ATF2: variants seen among roughly 807,000 people sequenced by gnomAD.
The protein encoded by ATF2 is activating transcription factor 2.
ATF2 carries 24 observed loss-of-function variants against 60.6 expected under a neutral mutation model. The observed-to-expected ratio is 0.40, with a 90% CI of 0.29 to 0.56. The LOEUF (loss-of-function observed/expected upper bound fraction) is 0.56, where lower values mean the gene tolerates loss of function less well. Among genes scored for constraint, ATF2 ranks in the 20% least tolerant of loss-of-function variants. The probability of loss-of-function intolerance (pLI) is 0.54; values close to 1 mark genes in which losing one functional copy is unlikely to be tolerated. For synonymous variants in ATF2, 206 were observed against 215.4 expected (o/e 0.96, Z 0.38); for missense variants, 433 against 607.7 (o/e 0.71, Z 3.02).
chr2:175,160,158 G>C (rs1699927883), intron 1 of ATF2, among the ~76,000 whole-genome samples: 1 of 152,166 alleles, frequency 6.6e-6, no homozygotes, highest in Non-Finnish European at 1.5e-5. Flanking sequence ...GCTGAGATGG[G>C]AGGATTACTT....
intron 1 of ATF2, among the ~76,000 whole-genome samples, chr2:175,164,242 T>C (rs1316970415): frequency 1.3e-5 from 2 of 151,200 alleles, no homozygotes; most frequent in East Asian, 3.9e-4. Flanking sequence ...TAAAATAATG[T>C]GTAAAAATAG....
chr2:175,114,286 G>A (rs1696399191), intron 8 of ATF2, 178 bp from the exon 9 acceptor site: 5 of 1,347,632 alleles, frequency 3.7e-6, no homozygotes, highest in Non-Finnish European at 4.7e-6. Flanking sequence ...CATAACCTGT[G>A]TAGCAGTATT....
intron 10 of ATF2, among the ~76,000 whole-genome samples, chr2:175,102,932 A>G (rs774768092): frequency 4.6e-5 from 7 of 152,206 alleles, no homozygotes; most frequent in Non-Finnish European, 8.8e-5. Flanking sequence ...TCAGTGATGT[A>G]AAGTTCAACT....
At chr2:175,080,126 G>T (rs765692887) in intron 13 of ATF2, 1 of 152,000 alleles carries the variant, frequency 6.6e-6, no homozygotes, top group Non-Finnish European at 1.5e-5. Flanking sequence ...TACTGTTCCC[G>T]TTTTAACATT....
At chr2:175,137,626 G>A (rs1698230091) in intron 2 of ATF2, among the ~76,000 whole-genome samples, 1 of 152,158 alleles carries the variant, frequency 6.6e-6, no homozygotes, top group Non-Finnish European at 1.5e-5. Flanking sequence ...AGGAATAAGA[G>A]TTAAAATATT....
chr2:175,111,435 TTATC>T (rs1481064989), intron 10 of ATF2, 129 bp downstream of exon 10: 1 of 648,484 alleles, frequency 1.5e-6, no homozygotes, highest in African/African-American at 1.9e-5. Flanking sequence ...ATTTTGTGGT[TTATC>T]TATAGTATAA....
chr2:175,107,376 A>T (rs1392540741), intron 10 of ATF2, among the ~76,000 whole-genome samples: 1 of 152,214 alleles, frequency 6.6e-6, no homozygotes, highest in African/African-American at 2.4e-5. Context: ...TTATAAAGTT[A>T]AATGTATACC....
intron 13 of ATF2, among the ~76,000 whole-genome samples, chr2:175,079,088 C>T (rs1243636366): frequency 6.6e-6 from 1 of 152,078 alleles, no homozygotes; most frequent in Non-Finnish European, 1.5e-5. Context: ...TTTAAGTATA[C>T]AGTATATAAA....
intron 12 of ATF2, among the ~76,000 whole-genome samples, chr2:175,088,528 C>T (rs559697578): frequency 6.6e-6 from 1 of 152,134 alleles, no homozygotes; most frequent in Admixed American, 6.5e-5. Flanking sequence ...TTCCACTCCA[C>T]ACACATTTTG....
At chr2:175,108,532 C>T (rs1262261109) in intron 10 of ATF2, among the ~76,000 whole-genome samples, 1 of 150,568 alleles carries the variant, frequency 6.6e-6, no homozygotes, top group Non-Finnish European at 1.5e-5. Context: ...CCCGCCCGGC[C>T]AGCCGCCCCA....
chr2:175,110,056 G>T (rs1185088443), intron 10 of ATF2, among the ~76,000 whole-genome samples: 4 of 152,166 alleles, frequency 2.6e-5, no homozygotes, highest in African/African-American at 9.7e-5. Flanking sequence ...AATTTTTCAG[G>T]CCGGGTGTGG....
intron 3 of ATF2, among the ~76,000 whole-genome samples, chr2:175,134,202 C>T (rs1560739): frequency 0.068 from 10,319 of 152,170 alleles, 354 homozygotes; most frequent in East Asian, 0.12. Flanking sequence ...ACTATTCACA[C>T]AGCATATGCA....
intron 10 of ATF2, among the ~76,000 whole-genome samples, chr2:175,109,230 A>T (rs894245739): frequency 6.6e-6 from 1 of 151,666 alleles, no homozygotes; most frequent in South Asian, 2.1e-4. Context: ...ATAGCTAAAC[A>T]CTAGAAACCA....
intron 12 of ATF2, among the ~76,000 whole-genome samples, chr2:175,086,565 T>C (rs1694182422): frequency 6.6e-6 from 1 of 152,108 alleles, no homozygotes; most frequent in Admixed American, 6.6e-5. Context: ...CTAAGTCATA[T>C]ATATATACAC....
intron 1 of ATF2, among the ~76,000 whole-genome samples, chr2:175,158,234 A>AT (rs34664149): frequency 0.024 from 3,236 of 132,698 alleles, 111 homozygotes; most frequent in African/African-American, 0.061. Context: ...TGAATTCAGG[A>AT]TTTTTTTTTT....
intron 10 of ATF2, 118 bp from the exon 11 acceptor site, chr2:175,097,711 T>C (rs1695028834): frequency 3.9e-6 from 4 of 1,032,430 alleles, no homozygotes; most frequent in Admixed American, 2.8e-5. Context: ...CTAGTACTAC[T>C]AGAGGATTCT....
At chr2:175,108,096 G>C (rs1377281135) in intron 10 of ATF2, among the ~76,000 whole-genome samples, 1 of 149,752 alleles carries the variant, frequency 6.7e-6, no homozygotes, top group Non-Finnish European at 1.5e-5. Context: ...GCCTCTTCCC[G>C]GCCGCCATCC....
At chr2:175,141,338 TTC>T (rs904547113) in intron 2 of ATF2, among the ~76,000 whole-genome samples, 1 of 151,792 alleles carries the variant, frequency 6.6e-6, no homozygotes, top group Admixed American at 6.6e-5. Flanking sequence ...AATGGCAACT[TTC>T]TCTCTGTCTC....
chr2:175,165,886 G>C lies in ATF2; in HGVS notation c.-143+2164C>G, dbSNP rs544480625. On this transcript the variant is annotated intron_variant, in intron 1 of 13. Transcript: ENST00000264110. ...TCACCGTGTTAGCTAGGATGGTCTC[G>C]ATCTCCTCACCTCATGATCCGCCCC... 3.3e-5 allele frequency among the ~76,000 whole-genome samples: 5 copies of C among 152,156 alleles called. No homozygotes were observed. The South Asian group carries it at 1.0e-3, about 32-fold the overall frequency.
Sources: allele counts gnomAD v4.1 joint callset (sites outside exome capture counted in the v4.1 genomes callset), GRCh38; gene constraint gnomAD v4.1.1; transcripts MANE v1.5; gene names NCBI Gene and HGNC (gene_info 2026-07-23, HGNC 2026-07-21).